The following NOL4 variants were observed in gnomAD, a reference collection of about 807,000 sequenced individuals.
NOL4 encodes cancer/testis antigen 125.
Under a neutral mutation model 75.9 loss-of-function variants are expected in NOL4, and 17 were observed. The observed-to-expected ratio is 0.22, with a 90% CI of 0.15 to 0.34. The LOEUF (loss-of-function observed/expected upper bound fraction) is 0.34, where lower values mean the gene tolerates loss of function less well. NOL4 is among the 10% of genes least tolerant of loss of function. NOL4 has a pLI of 1.00. For missense variants in NOL4, 614 were observed against 793.5 expected, an observed-to-expected ratio of 0.77 and a Z score of 2.72; for synonymous variants, 292 against 289.9, an observed-to-expected ratio of 1.01 and a Z score of -0.07.
intron 1 of NOL4, among the ~76,000 whole-genome samples, chr18:34,171,394 A>G (rs1319318762): frequency 6.6e-6 from 1 of 152,156 alleles, no homozygotes. Context: ...ATACAAAAGG[A>G]AAAGTTTCAT....
intron 5 of NOL4, among the ~76,000 whole-genome samples, chr18:34,058,161 T>A (rs2076908448): frequency 6.6e-6 from 1 of 152,108 alleles, no homozygotes; most frequent in Non-Finnish European, 1.5e-5. Flanking sequence ...TGAGACAAAA[T>A]CTCACTCTGT....
At chr18:34,131,480 A>G (rs912058682) in intron 1 of NOL4, among the ~76,000 whole-genome samples, 1 of 152,032 alleles carries the variant, frequency 6.6e-6, no homozygotes, top group Non-Finnish European at 1.5e-5. Context: ...CACCTTTCCT[A>G]GGCTGAAAAC....
At chr18:33,879,634 G>T (rs530848388) in intron 10 of NOL4, among the ~76,000 whole-genome samples, 1 of 151,948 alleles carries the variant, frequency 6.6e-6, no homozygotes, top group South Asian at 2.1e-4. Flanking sequence ...TGAGCCAAGG[G>T]CACACCACTA....
At chr18:33,862,886 A>G (rs532440152) in intron 10 of NOL4, among the ~76,000 whole-genome samples, 293 of 152,308 alleles carry the variant, frequency 1.9e-3, no homozygotes, top group African/African-American at 6.7e-3. Context: ...ATCTAGAACT[A>G]GAAATACCAT....
At chr18:34,199,879 G>A (rs138446877) in intron 1 of NOL4, among the ~76,000 whole-genome samples, 1 of 151,988 alleles carries the variant, frequency 6.6e-6, no homozygotes, top group African/African-American at 2.4e-5. Context: ...AGAGAGGGAA[G>A]GAGAGGCTTG....
At chr18:34,206,415 A>C (rs1600876012) in intron 1 of NOL4, among the ~76,000 whole-genome samples, 1 of 152,300 alleles carries the variant, frequency 6.6e-6, no homozygotes, top group African/African-American at 2.4e-5. Context: ...ATACTGAAGA[A>C]CTTCCTTCAG....
At chr18:33,993,885 CA>C (rs1805215922) in intron 6 of NOL4, among the ~76,000 whole-genome samples, 1 of 151,292 alleles carries the variant, frequency 6.6e-6, no homozygotes, top group African/African-American at 2.4e-5. Flanking sequence ...AAAGAAAACA[CA>C]AAATACAACT....
intron 6 of NOL4, among the ~76,000 whole-genome samples, chr18:33,964,402 A>C (rs1183183512): frequency 6.6e-6 from 1 of 152,028 alleles, no homozygotes; most frequent in African/African-American, 2.4e-5. Flanking sequence ...TATATGAAGC[A>C]CATGGCACTA....
intron 2 of NOL4, among the ~76,000 whole-genome samples, chr18:34,123,590 TAGAG>T (rs1451072908): frequency 2.1e-5 from 3 of 146,178 alleles, no homozygotes; most frequent in Admixed American, 6.9e-5. Context: ...AGAATATATA[TAGAG>T]AGATAGATCT....
chr18:33,975,625 A>G (rs1258195252), intron 6 of NOL4, among the ~76,000 whole-genome samples: 2 of 152,190 alleles, frequency 1.3e-5, no homozygotes, highest in Non-Finnish European at 2.9e-5. Context: ...ATACAAAAAA[A>G]TTAGCCAGGC....
At chr18:33,956,189 A>T (rs1177664427) in intron 8 of NOL4, among the ~76,000 whole-genome samples, 1 of 152,172 alleles carries the variant, frequency 6.6e-6, no homozygotes, top group Non-Finnish European at 1.5e-5. Context: ...AAATTGCTGA[A>T]TTTGAGCATC....
intron 5 of NOL4, among the ~76,000 whole-genome samples, chr18:34,044,905 G>A (rs1347376955): frequency 2.6e-5 from 4 of 152,188 alleles, no homozygotes; most frequent in South Asian, 4.1e-4. Context: ...CAAGACTATA[G>A]TCTGTGCTTA....
intron 9 of NOL4, among the ~76,000 whole-genome samples, chr18:33,931,382 A>G (rs1245863266): frequency 4.6e-5 from 7 of 152,226 alleles, no homozygotes; most frequent in African/African-American, 1.7e-4. Flanking sequence ...ACAAGCCCCG[A>G]CATTTTCCAG....
chr18:34,001,577 G>A (rs1600211378), intron 6 of NOL4: 1 of 152,172 alleles, frequency 6.6e-6, no homozygotes, highest in East Asian at 1.9e-4. Flanking sequence ...CTGTGTTTGT[G>A]TGATGGCAAG....
chr18:33,973,255 C>T (rs918265134), intron 6 of NOL4, among the ~76,000 whole-genome samples: 1 of 152,140 alleles, frequency 6.6e-6, no homozygotes, highest in Non-Finnish European at 1.5e-5. Flanking sequence ...TAAGAAGCAA[C>T]TCCTCATCTG....
intron 1 of NOL4, among the ~76,000 whole-genome samples, chr18:34,192,541 C>T (rs2034997409): frequency 6.6e-6 from 1 of 152,034 alleles, no homozygotes; most frequent in African/African-American, 2.4e-5. Flanking sequence ...GAATAGATAA[C>T]CCAAAAGTAA....
intron 5 of NOL4, among the ~76,000 whole-genome samples, chr18:34,062,199 T>A (rs996037292): frequency 2.0e-5 from 3 of 151,914 alleles, no homozygotes; most frequent in African/African-American, 7.3e-5. Flanking sequence ...AGTGTACCAC[T>A]GAACTTTAAA....
intron 1 of NOL4, among the ~76,000 whole-genome samples, chr18:34,201,001 C>T (rs934583766): frequency 4.6e-5 from 7 of 151,538 alleles, no homozygotes; most frequent in Admixed American, 4.0e-4. Flanking sequence ...TAATACTATA[C>T]TCCTATGCTG....
At chr18:34,173,572 A>C (rs2033257344) in intron 1 of NOL4, among the ~76,000 whole-genome samples, 1 of 152,156 alleles carries the variant, frequency 6.6e-6, no homozygotes, top group Admixed American at 6.6e-5. Context: ...TAGTGTTTTA[A>C]AGTTATTTGA....
Sources: allele counts gnomAD v4.1 joint callset (sites outside exome capture counted in the v4.1 genomes callset), GRCh38; gene constraint gnomAD v4.1.1; transcripts MANE v1.5; gene names NCBI Gene and HGNC (gene_info 2026-07-23, HGNC 2026-07-21).